Variants in NPDC1 observed in about 807,000 individuals in gnomAD.
The protein encoded by NPDC1 is neural proliferation differentiation and control protein 1.
A neutral mutation model predicts 32.5 loss-of-function variants in NPDC1; 18 were observed. The observed-to-expected ratio is 0.55, with a 90% CI of 0.38 to 0.82. NPDC1 has a LOEUF of 0.82. NPDC1 is among the 40% of genes least tolerant of loss of function. The probability of loss-of-function intolerance (pLI) is 0.00; values close to 1 mark genes in which losing one functional copy is unlikely to be tolerated. For missense variants in NPDC1, 468 were observed against 406.6 expected (o/e 1.15, Z -1.30); for synonymous variants, 210 against 184.7 (o/e 1.14, Z -1.11).
At chr9:137,043,245 G>A (rs773596903) in intron 1 of NPDC1, 172 bp from the exon 2 acceptor site, 79 of 758,494 alleles carry the variant, frequency 1.0e-4, no homozygotes, top group Non-Finnish European at 1.7e-4. Context: ...CTCAGAACCC[G>A]GAAGCGAACA....
Position 137,046,011 on chromosome 9 carries a change from C to A in NPDC1, c.-22G>T. The A allele has an allele frequency of 8.4e-7, 1 of 1,188,948 alleles. No homozygotes were observed. Among genetic ancestry groups the A allele is most frequent in the Non-Finnish European group, 1.0e-6 (1 of 960,118 alleles). The allele number at this position is 1,188,948 out of a possible 1,614,324, so 73.6% of individuals were successfully genotyped here. On this transcript the variant is annotated 5_prime_UTR_variant, in exon 1 of 9. Transcript: ENST00000371601. The stretch of plus-strand genomic sequence containing the variant: ...CCATCCTTCAGCGCCGCCGCCGGGG[C>A]AGCATGGCACCGCGAGGCCAGGGGC...
intron 1 of NPDC1, chr9:137,043,872 C>T (rs1832091661): frequency 6.1e-6 from 1 of 162,768 alleles, no homozygotes; most frequent in African/African-American, 2.4e-5. Flanking sequence ...TCAGTCTTAT[C>T]CTGGTGCTGG....
At chr9:137,045,676 T>C (rs1832120196) in intron 1 of NPDC1, among the ~76,000 whole-genome samples, 1 of 152,058 alleles carries the variant, frequency 6.6e-6, no homozygotes, top group Non-Finnish European at 1.5e-5. Context: ...GGCGCGGCCT[T>C]TTGGAGGCTC....
intron 7 of NPDC1, 108 bp from the exon 8 acceptor site, chr9:137,040,175 C>G (rs1364275320): frequency 5.7e-6 from 4 of 704,156 alleles, no homozygotes; most frequent in Non-Finnish European, 7.6e-6. Flanking sequence ...CAGGGGAGCA[C>G]AGCCCAGGGT....
rs143020299 is a variant in NPDC1, at chr9:137,040,694, G to A, written c.600C>T (p.Ser200=). ...ACCTGCACCAGCAGAGGGAGGCTACGGAGAGGGCGGCTGCACCGGCCACAC... is the reference window on the plus strand; with the variant it reads ...ACCTGCACCAGCAGAGGGAGGCTACAGAGAGGGCGGCTGCACCGGCCACAC... The part of the protein sequence containing the change: ...AFCVAGAAAL[S]VASLCWCRLQ... Residue 200 remains serine, a synonymous_variant, in exon 5 of 9, where the codon TCC becomes TCT. Coordinates refer to ENST00000371601, the MANE Select transcript of NPDC1 (RefSeq NM_015392.4). 426 of 1,585,582 alleles carry A rather than the reference G, an allele frequency of 2.7e-4. 2 individuals are homozygous for A. Among genetic ancestry groups the A allele is most frequent in the Admixed American group, 7.0e-4 (39 of 55,914 alleles).
At chr9:137,041,309 C>T in intron 2 of NPDC1, 122 bp from the exon 3 acceptor site, 1 of 1,087,892 alleles carries the variant, frequency 9.2e-7, no homozygotes, top group Admixed American at 4.0e-5. Flanking sequence ...GCCTGGAGGC[C>T]CTCTCCCTCC....
intron 5 of NPDC1, 28 bp downstream of exon 5, chr9:137,040,643 C>T: frequency 1.3e-6 from 2 of 1,563,380 alleles, no homozygotes; most frequent in Non-Finnish European, 1.7e-6. Flanking sequence ...TGGCACCCTC[C>T]CTGCCCTGCC....
rs202169269 is a variant in NPDC1 at position 137,041,124 on chromosome 9, C to T, written c.323G>A (p.Arg108Gln). The T allele has an allele frequency of 9.9e-5, 150 of 1,514,006 alleles. No individual in the cohort carries two copies. In the Admixed American group the frequency reaches 1.2e-3, roughly 12 times the overall value. 93.8% of individuals were successfully genotyped at this position (1,514,006 alleles called of 1,614,324 possible). The change falls in exon 3 of 9, where the codon CGG becomes CAG. Residue 108 changes from arginine (R) to glutamine (Q), a missense_variant. Transcript: ENST00000371601. Reference protein sequence around the residue: ...EIDFLAQELARKESGHSTPPL... With the variant: ...EIDFLAQELAQKESGHSTPPL... The stretch of plus-strand genomic sequence containing the variant: ...CGGAGTTGAGTGTCCAGACTCCTTC[C>T]GGGCAAGCTCCTGGGCCAGGAAGTC...
At position 137,039,742 on chromosome 9, in the gene NPDC1, G is replaced by A; in HGVS notation, c.*30C>T. The A allele has an allele frequency of 1.4e-6, 1 of 732,428 alleles. No individual in the cohort carries two copies. Among genetic ancestry groups the A allele is most frequent in the Non-Finnish European group, 2.5e-6 (1 of 395,040 alleles). The allele number at this position is 732,428 out of a possible 1,614,324, so 45.4% of individuals were successfully genotyped here. On this transcript the variant is annotated 3_prime_UTR_variant, in exon 9 of 9. Coordinates refer to ENST00000371601, the MANE Select transcript of NPDC1 (RefSeq NM_015392.4). ...CCCTCCCCGGGGGCCTCGAGGTCGG[G>A]GAGCAGGTGGGCGTCTGTCTGCCTC...
At position 137,040,814 on chromosome 9, in the gene NPDC1, C is replaced by G; in HGVS notation, c.556G>C (p.Val186Leu). Residue 186 changes from valine (V) to leucine (L), a missense_variant and splice_region_variant, in exon 4 of 9, where the codon GTG becomes CTG. Val to Leu is a conservative substitution (Grantham distance 32). Transcript: ENST00000371601. ...RGGQGDGLAL[V>L]LILAFCVAGA... ...CTGCCCACCCCCGACCAAGACCTAC[C>G]AAGGGCGAGGCCGTCGCCTTGCCCT... is the stretch of plus-strand genomic sequence containing the variant. The G allele has an allele frequency of 6.3e-7, 1 of 1,592,804 alleles. No individual in the cohort carries two copies. Among genetic ancestry groups the G allele is most frequent in the Non-Finnish European group, 8.5e-7 (1 of 1,174,322 alleles).
rs1443273861 is a variant in NPDC1 at position 137,045,903 on chromosome 9, C to T, written c.87G>A (p.Leu29=). 21 of 1,139,264 alleles carry T rather than the reference C, an allele frequency of 1.8e-5. No individual in the cohort carries two copies. Among genetic ancestry groups the T allele is most frequent in the Non-Finnish European group, 2.3e-5 (21 of 929,144 alleles). 70.6% of individuals were successfully genotyped at this position (1,139,264 alleles called of 1,614,324 possible). A position where few individuals can be genotyped will look rare whatever the true frequency, so the allele number is the denominator to read the frequency against. ...CCGGGTGGCCGGCGGCGGCTCCACG[C>T]AGGGCGGCGCCGAGGACGAGGCCGG... ...LLSGLVLGAA[L]RGAAAGHPDV... The change falls in exon 1 of 9, where the codon CTG becomes CTA. Residue 29 remains leucine (L), a synonymous_variant. Coordinates refer to ENST00000371601, the MANE Select transcript of NPDC1 (RefSeq NM_015392.4).
chr9:137,043,038 G>A lies in NPDC1; in HGVS notation c.148C>T (p.Leu50=), dbSNP rs1013467247. Residue 50 remains leucine, a synonymous_variant, in exon 2 of 9, where the codon CTG becomes TTG. Coordinates refer to ENST00000371601, the MANE Select transcript of NPDC1 (RefSeq NM_015392.4). ...GGAGGACACCTTGCCCGCCTCTTCA[G>A]GGCACAGTCCAGGCTCCCGGGACAG... ...AACPGSLDCA[L]KRRARCPPGA... 6.2e-7 allele frequency: 1 copy of A among 1,612,736 alleles called. No homozygotes were observed. The highest frequency in any genetic ancestry group is 1.3e-5 in the African/African-American group (1 of 74,912).
intron 1 of NPDC1, chr9:137,043,509 C>T (rs1370750424): frequency 6.6e-6 from 4 of 609,696 alleles, no homozygotes; most frequent in African/African-American, 1.9e-5. Context: ...AACGATGCCG[C>T]CAGCGACCTC....
In NPDC1 at chr9:137,040,598, C is replaced by T; in HGVS notation, c.624G>A (p.Arg208=). ...ALSVASLCWC[R]LQREIRLTQK... ...GAGTCAGGCGGATCTCACGCTGCAG[C>T]CTGTGGGGAGTGGGGCCTGAGACCT... The change falls in exon 6 of 9, where the codon AGG becomes AGA. Residue 208 remains arginine (R), a splice_region_variant and synonymous_variant. Coordinates refer to ENST00000371601, the MANE Select transcript of NPDC1 (RefSeq NM_015392.4). 1 of 1,569,194 alleles carries T rather than the reference C, an allele frequency of 6.4e-7. No homozygotes were observed.
At chr9:137,043,122 G>T in intron 1 of NPDC1, 49 bp from the exon 2 acceptor site, 2 of 1,596,910 alleles carry the variant, frequency 1.3e-6, no homozygotes, top group South Asian at 2.2e-5. Flanking sequence ...CGCAGGGCTC[G>T]GCCCCTGCAC....
At position 137,039,861 on chromosome 9, in the gene NPDC1, C is replaced by T. The variant is rs763185035; in HGVS notation, c.889G>A (p.Gly297Arg). The change falls in exon 9 of 9, where the codon GGG becomes AGG. Residue 297 changes from glycine (G) to arginine (R), a missense_variant. Transcript: ENST00000371601. ...VYECPGLAPTGEMEVRNPLFD... is the reference protein window; with the variant it reads ...VYECPGLAPTREMEVRNPLFD... ...AGAGGGTTGCGCACCTCCATTTCCCCGGTCTGCGAATGTGGGTGTCAGGCT... is the reference window on the plus strand; with the variant it reads ...AGAGGGTTGCGCACCTCCATTTCCCTGGTCTGCGAATGTGGGTGTCAGGCT... 6 of 779,180 alleles carry T rather than the reference C, an allele frequency of 7.7e-6. No homozygotes were observed. The highest frequency in any genetic ancestry group is 3.4e-5 in the Admixed American group (2 of 58,976). The allele number at this position is 779,180 out of a possible 1,614,324, so 48.3% of individuals were successfully genotyped here.
intron 2 of NPDC1, among the ~76,000 whole-genome samples, chr9:137,041,904 C>T (rs911130693): frequency 6.6e-6 from 1 of 152,232 alleles, no homozygotes; most frequent in African/African-American, 2.4e-5. Flanking sequence ...CCAGTGCTGG[C>T]ACCCTTCAAC....
At chr9:137,045,175 G>C (rs752001938) in intron 1 of NPDC1, among the ~76,000 whole-genome samples, 1 of 152,242 alleles carries the variant, frequency 6.6e-6, no homozygotes, top group African/African-American at 2.4e-5. Context: ...GCAGGTGAGA[G>C]GGTGTCCCAG....
intron 7 of NPDC1, 39 bp from the exon 8 acceptor site, chr9:137,040,106 C>G (rs750076903): frequency 2.6e-6 from 2 of 765,164 alleles, no homozygotes; most frequent in Admixed American, 1.7e-5. Context: ...CCCATGCCCT[C>G]GAGGTGCCAG....
Sources: allele counts gnomAD v4.1 joint callset (sites outside exome capture counted in the v4.1 genomes callset), GRCh38; gene constraint gnomAD v4.1.1; transcripts MANE v1.5; gene names NCBI Gene and HGNC (gene_info 2026-07-23, HGNC 2026-07-21).